The following CCDC171 variants were observed in gnomAD, a reference collection of about 807,000 sequenced individuals.
CCDC171 encodes the protein coiled-coil domain containing 171, also known as coiled-coil domain-containing protein 171.
Under a neutral mutation model 168.2 loss-of-function variants are expected in CCDC171, and 177 were observed. That is an observed-to-expected ratio of 1.05 (90% confidence interval 0.93 to 1.19). CCDC171 has a LOEUF of 1.19. CCDC171 is among the 50% of genes most tolerant of loss of function. The probability of loss-of-function intolerance (pLI) is 0.00; values close to 1 mark genes in which losing one functional copy is unlikely to be tolerated. For missense variants in CCDC171, 1,991 were observed against 1,539.0 expected (o/e 1.29, Z -4.91); for synonymous variants, 687 against 540.8 (o/e 1.27, Z -3.75).
intron 21 of CCDC171, among the ~76,000 whole-genome samples, chr9:15,801,119 T>G (rs975141005): frequency 6.6e-6 from 1 of 151,874 alleles, no homozygotes; most frequent in East Asian, 1.9e-4. Context: ...CATGTAAATT[T>G]TAGGATTTTT....
intron 6 of CCDC171, among the ~76,000 whole-genome samples, chr9:15,603,437 T>A (rs1360418255): frequency 1.3e-5 from 2 of 152,132 alleles, no homozygotes; most frequent in African/African-American, 2.4e-5. Flanking sequence ...CCAGTGTGTG[T>A]TGTTCCCCTC....
the CCDC171 span, among the ~76,000 whole-genome samples, chr9:16,094,087 C>T: frequency 4.1e-3 from 619 of 152,110 alleles, 11 homozygotes; most frequent in East Asian, 0.03. Context: ...AGAGGTTGGA[C>T]GATAAGCAGT....
At chr9:15,882,441 T>C (rs1354581682) in intron 24 of CCDC171, among the ~76,000 whole-genome samples, 6 of 152,210 alleles carry the variant, frequency 3.9e-5, no homozygotes, top group Non-Finnish European at 8.8e-5. Flanking sequence ...GCTTTTTAAC[T>C]TGATGTAATC....
chr9:15,995,291 G>A (rs1355681417), intron 3 of CCDC171, among the ~76,000 whole-genome samples: 1 of 152,214 alleles, frequency 6.6e-6, no homozygotes, highest in Non-Finnish European at 1.5e-5. Context: ...AAATAACAAA[G>A]GCTTGTAATC....
chr9:15,887,833 A>AT (rs1352688070), intron 24 of CCDC171: 3 of 152,064 alleles, frequency 2.0e-5, no homozygotes, highest in Non-Finnish European at 4.4e-5. Flanking sequence ...CCTTCCTTCA[A>AT]TTTTAGAAAA....
intron 21 of CCDC171, among the ~76,000 whole-genome samples, chr9:15,800,711 C>T (rs78897347): frequency 1.3e-5 from 2 of 151,856 alleles, no homozygotes; most frequent in Non-Finnish European, 2.9e-5. Context: ...AGAGAGTTTC[C>T]CCAGTGTTTT....
Position 15,973,417 on chromosome 9 carries a change from A to G in CCDC171, c.*1581A>G, listed in dbSNP as rs1003537547. The G allele has an allele frequency of 2.0e-5, 3 of 152,256 alleles. No homozygotes were observed. Among genetic ancestry groups the G allele is most frequent in the South Asian group, 2.1e-4 (1 of 4,824 alleles). 9.4% of individuals were successfully genotyped at this position (152,256 alleles called of 1,614,324 possible). On this transcript the variant is annotated 3_prime_UTR_variant, in exon 26 of 26. Transcript: ENST00000380701. The stretch of plus-strand genomic sequence containing the variant: ...TAAGATTTTATACTAACTATTTATT[A>G]GTAGCCAAATTAGCCAAGTGATTTA...
Position 15,821,545 on chromosome 9 carries a change from A to G in CCDC171, c.3268-25157A>G, listed in dbSNP as rs1434994307. 5.1e-5 allele frequency among the ~76,000 whole-genome samples: 6 copies of G among 117,670 alleles called. 1 individual carries two copies. In the East Asian group the frequency reaches 1.3e-3, roughly 25 times the overall value. The allele number at this position is 117,670 out of a possible 152,430, so 77.2% of individuals were successfully genotyped here. A position where few individuals can be genotyped will look rare whatever the true frequency, so the allele number is the denominator to read the frequency against. On this transcript the variant is annotated intron_variant, in intron 21 of 25. Coordinates refer to ENST00000380701, the MANE Select transcript of CCDC171 (RefSeq NM_173550.4). Reference sequence around the variant, plus strand: ...ACAAGCATTCTTATACACCAATAACAGACAAACAGCCAAATCATGAGTGAA... The same window carrying G: ...ACAAGCATTCTTATACACCAATAACGGACAAACAGCCAAATCATGAGTGAA...
chr9:15,937,644 CAT>C (rs1213812782), intron 25 of CCDC171, among the ~76,000 whole-genome samples: 6 of 151,994 alleles, frequency 3.9e-5, no homozygotes, highest in Non-Finnish European at 8.8e-5. Flanking sequence ...GAACAACAAA[CAT>C]AAAGAGTCAT....
At chr9:15,766,522 T>C (rs2056732209) in intron 18 of CCDC171, among the ~76,000 whole-genome samples, 1 of 152,010 alleles carries the variant, frequency 6.6e-6, no homozygotes. Context: ...AAATATGAGA[T>C]ATTGGAGAAA....
At chr9:15,902,760 G>A (rs139360357) in intron 24 of CCDC171, among the ~76,000 whole-genome samples, 455 of 152,316 alleles carry the variant, frequency 3.0e-3, no homozygotes, top group Non-Finnish European at 4.4e-3. Context: ...AAGCACAAGG[G>A]GTCAGGGAAT....
chr9:15,902,722 A>G (rs1017177267), intron 24 of CCDC171, among the ~76,000 whole-genome samples: 2 of 152,220 alleles, frequency 1.3e-5, no homozygotes, highest in African/African-American at 4.8e-5. Context: ...CATGAGCTGA[A>G]GCAGGGCAAG....
chr9:15,674,028 C>G (rs953379562), intron 9 of CCDC171, among the ~76,000 whole-genome samples: 1 of 152,072 alleles, frequency 6.6e-6, no homozygotes, highest in African/African-American at 2.4e-5. Flanking sequence ...AATTTCAGAA[C>G]CTATTATTGG....
intron 24 of CCDC171, among the ~76,000 whole-genome samples, chr9:15,909,653 CTCAT>C (rs1475612347): frequency 6.6e-6 from 1 of 152,274 alleles, no homozygotes; most frequent in African/African-American, 2.4e-5. Flanking sequence ...CCGTCTGTAT[CTCAT>C]TCCCTCCTAT....
chr9:15,903,639 C>T (rs548362004), intron 24 of CCDC171, among the ~76,000 whole-genome samples: 4 of 152,312 alleles, frequency 2.6e-5, no homozygotes, highest in South Asian at 4.1e-4. Context: ...TCCAAAGGAA[C>T]TCGGCTCCTC....
intron 10 of CCDC171, among the ~76,000 whole-genome samples, chr9:15,685,039 T>C (rs146208969): frequency 2.0e-5 from 3 of 152,204 alleles, no homozygotes; most frequent in African/African-American, 4.8e-5. Context: ...GTGAGTTTTG[T>C]CTTGAGGCAA....
At chr9:15,846,097 T>C (rs1196609113) in intron 21 of CCDC171, among the ~76,000 whole-genome samples, 1 of 152,150 alleles carries the variant, frequency 6.6e-6, no homozygotes, top group Admixed American at 6.6e-5. Context: ...TGATCCTATT[T>C]GTGTTGCTAT....
intron 6 of CCDC171, among the ~76,000 whole-genome samples, chr9:15,603,752 C>T (rs2043031581): frequency 6.6e-6 from 1 of 151,672 alleles, no homozygotes; most frequent in South Asian, 2.1e-4. Flanking sequence ...ATTTATATTC[C>T]TTTGGGTATA....
At chr9:15,806,805 C>A (rs1414776295) in intron 21 of CCDC171, among the ~76,000 whole-genome samples, 2 of 152,106 alleles carry the variant, frequency 1.3e-5, no homozygotes. Context: ...TTGACAATAT[C>A]TTGAAATATG....
Sources: gnomAD v4.1 joint callset for allele counts (sites outside exome capture counted in the v4.1 genomes callset) on GRCh38, gnomAD v4.1.1 for gene constraint, MANE v1.5 for transcripts, NCBI Gene and HGNC (gene_info 2026-07-23, HGNC 2026-07-21) for gene names.